The following MYH14 variants were observed in gnomAD, a reference collection of about 807,000 sequenced individuals.
MYH14 encodes myosin-14.
In MYH14, 123 loss-of-function variants were observed where a neutral mutation model predicts 255.5. The observed-to-expected ratio is 0.48, with a 90% CI of 0.42 to 0.56. The LOEUF (loss-of-function observed/expected upper bound fraction) is 0.56, where lower values mean the gene tolerates loss of function less well. MYH14 is among the 20% of genes least tolerant of loss of function. The pLI, the probability that MYH14 is intolerant of heterozygous loss-of-function variation, is 0.00. For missense variants in MYH14, 2,423 were observed against 2,802.3 expected, an observed-to-expected ratio of 0.86 and a Z score of 3.06; for synonymous variants, 1,095 against 1,161.2, an observed-to-expected ratio of 0.94 and a Z score of 1.16.
intron 16 of MYH14, among the ~76,000 whole-genome samples, chr19:50,254,110 G>A (rs1044290402): frequency 9.2e-5 from 14 of 151,982 alleles, no homozygotes; most frequent in African/African-American, 2.2e-4. Flanking sequence ...CCAGCTACTC[G>A]GGGGGCTGAG....
intron 21 of MYH14, 112 bp from the exon 22 acceptor site, chr19:50,263,198 CAG>C: frequency 1.3e-6 from 1 of 757,398 alleles, no homozygotes; most frequent in Non-Finnish European, 2.0e-6. Context: ...GACTCTGTCT[CAG>C]AAAAACAAAC....
At chr19:50,236,069 C>T (rs944939803) in intron 10 of MYH14, among the ~76,000 whole-genome samples, 6 of 152,038 alleles carry the variant, frequency 3.9e-5, no homozygotes, top group Admixed American at 2.0e-4. Flanking sequence ...CAGTGGCTCA[C>T]GCCTGTAATC....
At chr19:50,228,056 G>A (rs181269618) in intron 8 of MYH14, among the ~76,000 whole-genome samples, 3 of 152,304 alleles carry the variant, frequency 2.0e-5, no homozygotes, top group Non-Finnish European at 4.4e-5. Flanking sequence ...GGCCAAGGCC[G>A]GTGGATCATT....
chr19:50,303,778 A>G (rs2036569673), intron 40 of MYH14, among the ~76,000 whole-genome samples: 1 of 152,212 alleles, frequency 6.6e-6, no homozygotes. Flanking sequence ...TTGCACCAAG[A>G]ACCATACCCA....
chr19:50,260,199 G>A (rs1161990096), intron 19 of MYH14, among the ~76,000 whole-genome samples: 1 of 152,196 alleles, frequency 6.6e-6, no homozygotes, highest in Non-Finnish European at 1.5e-5. Flanking sequence ...GGCCGAGGCG[G>A]GTGGATCACT....
chr19:50,207,312 A>AGAGAGAGAGAGAGAGG (rs1438345270), intron 1 of MYH14, among the ~76,000 whole-genome samples: 45 of 148,248 alleles, frequency 3.0e-4, no homozygotes, highest in Non-Finnish European at 6.0e-4. Context: ...AGAGAGAGAG[A>AGAGAGAGAGAGAGAGG]GACTAGGGGC....
intron 2 of MYH14, among the ~76,000 whole-genome samples, chr19:50,214,417 T>TA (rs1230980230): frequency 6.6e-6 from 1 of 152,142 alleles, no homozygotes; most frequent in Non-Finnish European, 1.5e-5. Context: ...TTTCTGCCAC[T>TA]AATAGGCTGT....
chr19:50,276,061 G>A lies in MYH14; in HGVS notation c.3538G>A (p.Glu1180Lys), dbSNP rs756571861. Residue 1180 changes from glutamate to lysine, a missense_variant, in exon 28 of 43, where the codon GAG (glutamate) becomes AAG (lysine). By Grantham distance (56) the Glu-to-Lys change is moderately conservative (BLOSUM62 1). This residue lies in a region of MYH14 where 1,513 missense variants were observed against 1,674.8 expected (regional missense o/e 0.90). Transcript: ENST00000642316. The surrounding 1 kb of genome is among the most constrained non-coding windows in gnomAD (Gnocchi z 4.3). ...GCGGGAGGCTCAAGCAGCCCTGGCC[G>A]AGGCCCAGGAGGACCTGGAGTCTGA... The part of the protein sequence containing the change: ...SLREAQAALA[E>K]AQEDLESERV... The A allele has an allele frequency of 5.6e-6, 9 of 1,611,716 alleles. No homozygotes were observed. The highest frequency in any genetic ancestry group is 2.7e-5 in the African/African-American group (2 of 74,918).
At chr19:50,292,438 C>A in intron 37 of MYH14, 49 bp downstream of exon 37, 1 of 1,484,334 alleles carries the variant, frequency 6.7e-7, no homozygotes, top group Non-Finnish European at 9.0e-7. Flanking sequence ...GGGAGGTGGG[C>A]AAGGCTAACC....
In MYH14 at chr19:50,309,890, T is replaced by C. The variant is rs546411129; in HGVS notation, c.*100T>C. 145 of 1,292,530 alleles carry C rather than the reference T, an allele frequency of 1.1e-4. No individual in the cohort carries two copies. In the African/African-American group the frequency reaches 1.8e-3, roughly 16 times the overall value. 80.1% of individuals were successfully genotyped at this position (1,292,530 alleles called of 1,614,324 possible). On this transcript the variant is annotated 3_prime_UTR_variant, in exon 43 of 43. Transcript: ENST00000642316. ...CCAGGAACCCCGCCCTCTGACTTCT[T>C]GCCCTTTGGAAATGGTGCAGCACTC...
intron 33 of MYH14, among the ~76,000 whole-genome samples, chr19:50,282,334 A>G (rs1314176292): frequency 6.6e-6 from 1 of 152,216 alleles, no homozygotes; most frequent in Admixed American, 6.5e-5. Context: ...TCAGATCCCA[A>G]TTCGGCCTCT....
intron 33 of MYH14, among the ~76,000 whole-genome samples, chr19:50,283,596 G>A (rs2123429248): frequency 6.6e-6 from 1 of 152,016 alleles, no homozygotes; most frequent in South Asian, 2.1e-4. Context: ...TTCTAGTTAT[G>A]GATAAAACCT....
At chr19:50,231,330 G>T (rs556210613) in intron 9 of MYH14, among the ~76,000 whole-genome samples, 1 of 152,384 alleles carries the variant, frequency 6.6e-6, no homozygotes, top group Admixed American at 6.5e-5. Context: ...ACTTGGGCCT[G>T]CAGCCCCACT....
chr19:50,259,044 T>C, intron 18 of MYH14, 100 bp from the exon 19 acceptor site: 1 of 1,445,972 alleles, frequency 6.9e-7, no homozygotes, highest in Non-Finnish European at 9.2e-7. Context: ...TAGTAGGTGC[T>C]CAGTAAATTA....
rs757986751 is a variant in MYH14 at position 50,244,286 on chromosome 19, G to T, written c.1159G>T (p.Ala387Ser). The T allele has an allele frequency of 3.1e-6, 5 of 1,613,742 alleles. No individual in the cohort carries two copies. Among genetic ancestry groups the T allele is most frequent in the Non-Finnish European group, 4.2e-6 (5 of 1,179,882 alleles). ...AGCAGTTCTCCAGTTTGGCAACATT[G>T]CCTTGAAGAGAGAACGGAACACCGA... ...VSAVLQFGNI[A>S]LKRERNTDQA... The change falls in exon 11 of 43, where the codon GCC becomes TCC. Residue 387 changes from alanine to serine, a missense_variant. Ala to Ser is a moderately conservative substitution (Grantham distance 99, BLOSUM62 1). Around this residue, in one of 3 missense-constraint regions of MYH14, gnomAD observed 672 missense variants for 881.8 expected, o/e 0.76. Transcript: ENST00000642316.
At chr19:50,214,084 C>CA (rs1325735950) in intron 2 of MYH14, among the ~76,000 whole-genome samples, 1 of 152,186 alleles carries the variant, frequency 6.6e-6, no homozygotes, top group African/African-American at 2.4e-5. Context: ...CTGGGCCTCT[C>CA]AAACTGCTGG....
chr19:50,260,645 G>A lies in MYH14; in HGVS notation c.2355-1G>A. The A allele has an allele frequency of 6.2e-7, 1 of 1,612,060 alleles. No individual in the cohort carries two copies. The highest frequency in any genetic ancestry group is 8.5e-7 in the Non-Finnish European group (1 of 1,178,642). The stretch of plus-strand genomic sequence containing the variant: ...TCCCCACCCCTCCCTGCTCATTGCA[G>A]ATACGAGATCCTGACACCCAATGCC... On this transcript the variant is annotated splice_acceptor_variant, in intron 19 of 42. Transcript: ENST00000642316. LOFTEE classifies it high-confidence loss of function.
In MYH14 at chr19:50,276,921, CAGGGCAGGGGGGCCACGGGG is replaced by C; in HGVS notation, c.3825+30_3825+49del. On this transcript the variant is annotated intron_variant, in intron 29 of 42. Coordinates refer to ENST00000642316, the MANE Select transcript of MYH14 (RefSeq NM_001145809.2). The surrounding 1 kb of genome is among the most constrained non-coding windows in gnomAD (Gnocchi z 4.3). ...CGGAGGGTGGGTTGGGGCAGGGGGA[CAGGGCAGGGGGGCCACGGGG>C]AGGGCAGGGCAGGACGCGGGGTTGG... The C allele has an allele frequency of 2.8e-6, 4 of 1,444,600 alleles. No homozygotes were observed. Among genetic ancestry groups the C allele is most frequent in the African/African-American group, 1.5e-5 (1 of 67,440 alleles). The allele number at this position is 1,444,600 out of a possible 1,614,324, so 89.5% of individuals were successfully genotyped here. A position where few individuals can be genotyped will look rare whatever the true frequency, so the allele number is the denominator to read the frequency against.
At chr19:50,224,127 G>C in intron 5 of MYH14, 27 bp from the exon 6 acceptor site, 1 of 1,607,696 alleles carries the variant, frequency 6.2e-7, no homozygotes, top group Non-Finnish European at 8.5e-7. Context: ...GTCCTGGTCC[G>C]TGTCTCGTGT....
Sources: allele counts gnomAD v4.1 joint callset (sites outside exome capture counted in the v4.1 genomes callset), GRCh38; gene constraint gnomAD v4.1.1; regional missense constraint gnomAD v4.1.1; non-coding constraint Gnocchi (gnomAD v3.1); transcripts MANE v1.5; gene names NCBI Gene and HGNC (gene_info 2026-07-23, HGNC 2026-07-21).